TOX3: variants seen among roughly 807,000 people sequenced by gnomAD.
TOX3 encodes the protein CAG trinucleotide repeat-containing gene F9 protein.
TOX3 carries 22 observed loss-of-function variants against 64.3 expected under a neutral mutation model. The observed-to-expected ratio is 0.34, with a 90% CI of 0.24 to 0.49. The LOEUF (loss-of-function observed/expected upper bound fraction) is 0.49, where lower values mean the gene tolerates loss of function less well. Among genes scored for constraint, TOX3 ranks in the 20% least tolerant of loss-of-function variants. The pLI, the probability that TOX3 is intolerant of heterozygous loss-of-function variation, is 0.99. For missense variants in TOX3, 661 were observed against 714.4 expected, an observed-to-expected ratio of 0.93 and a Z score of 0.85; for synonymous variants, 291 against 273.6, an observed-to-expected ratio of 1.06 and a Z score of -0.63.
intron 1 of TOX3, among the ~76,000 whole-genome samples, chr16:52,537,602 A>G (rs1238526145): frequency 2.0e-5 from 3 of 152,142 alleles, no homozygotes; most frequent in Non-Finnish European, 4.4e-5. Context: ...TTGTGACATC[A>G]GCACTTTGTT....
intron 1 of TOX3, among the ~76,000 whole-genome samples, chr16:52,527,825 G>A (rs559575290): frequency 1.3e-5 from 2 of 152,316 alleles, no homozygotes; most frequent in South Asian, 4.1e-4. Context: ...GACAGAACCA[G>A]AAAGTTTTCG....
chr16:52,444,188 G>T, intron 6 of TOX3, 88 bp downstream of exon 6: 1 of 994,810 alleles, frequency 1.0e-6, no homozygotes, highest in South Asian at 2.3e-5. Flanking sequence ...TCAACTTTTA[G>T]GGGAGCTACA....
At position 52,546,821 on chromosome 16, in the gene TOX3, G is replaced by A; in HGVS notation, c.-98C>T. ...CTAGATCCACCGTCGAGGGCGCCCG[G>A]GGGTGGCGCGTGGGACTCGCGGCCG... On this transcript the variant is annotated 5_prime_UTR_variant, in exon 1 of 7. Transcript: ENST00000219746. 7.8e-7 allele frequency: 1 copy of A among 1,275,944 alleles called. No individual in the cohort carries two copies. The highest frequency in any genetic ancestry group is 9.9e-7 in the Non-Finnish European group (1 of 1,012,142). 79.0% of individuals were successfully genotyped at this position (1,275,944 alleles called of 1,614,324 possible). A position where few individuals can be genotyped will look rare whatever the true frequency, so the allele number is the denominator to read the frequency against.
chr16:52,507,679 A>G lies in TOX3; in HGVS notation c.87+38958T>C, dbSNP rs142770141. On this transcript the variant is annotated intron_variant, in intron 1 of 6. Coordinates refer to ENST00000219746, the MANE Select transcript of TOX3 (RefSeq NM_001080430.4). ...AAAAGATACATAATCAATTATTTTC[A>G]TATTAATAGAGCAAAGGAATACCAT... Among the ~76,000 whole-genome samples, 1,256 of 152,370 alleles carry G rather than the reference A, an allele frequency of 8.2e-3. 11 individuals are homozygous for G. The highest frequency in any genetic ancestry group is 0.011 in the Non-Finnish European group (738 of 68,026).
intron 1 of TOX3, among the ~76,000 whole-genome samples, chr16:52,533,849 G>A (rs1367099220): frequency 6.6e-6 from 1 of 152,188 alleles, no homozygotes; most frequent in African/African-American, 2.4e-5. Flanking sequence ...AGACAGGAAA[G>A]ATGGGAGCTG....
intron 1 of TOX3, among the ~76,000 whole-genome samples, chr16:52,515,194 A>G (rs1057236768): frequency 6.6e-5 from 10 of 150,748 alleles, no homozygotes; most frequent in Non-Finnish European, 1.3e-4. Context: ...TTAAAAAAAA[A>G]AAAAGAAAAA....
At chr16:52,529,482 A>G (rs1479403355) in intron 1 of TOX3, among the ~76,000 whole-genome samples, 1 of 152,226 alleles carries the variant, frequency 6.6e-6, no homozygotes, top group Non-Finnish European at 1.5e-5. Context: ...GCCTTTCTCT[A>G]CAAAGGAAGT....
chr16:52,540,989 C>T (rs945585271), intron 1 of TOX3, among the ~76,000 whole-genome samples: 1 of 152,120 alleles, frequency 6.6e-6, no homozygotes, highest in African/African-American at 2.4e-5. Flanking sequence ...CCAAAGCACT[C>T]TAACTGATAA....
chr16:52,472,166 G>A (rs148243659), intron 1 of TOX3, among the ~76,000 whole-genome samples: 2 of 152,152 alleles, frequency 1.3e-5, no homozygotes, highest in Non-Finnish European at 2.9e-5. Context: ...CTCTGAGAAG[G>A]CCCACAGTTC....
intron 1 of TOX3, among the ~76,000 whole-genome samples, chr16:52,479,530 C>T (rs1486936973): frequency 6.6e-6 from 1 of 152,166 alleles, no homozygotes; most frequent in African/African-American, 2.4e-5. Flanking sequence ...CGTGTCTTCT[C>T]TTGTATTTGG....
intron 1 of TOX3, among the ~76,000 whole-genome samples, chr16:52,473,083 G>A (rs1300195050): frequency 6.6e-6 from 1 of 152,052 alleles, no homozygotes; most frequent in Non-Finnish European, 1.5e-5. Context: ...ATTTATTAAG[G>A]ACCATCGTGT....
At position 52,546,861 on chromosome 16, in the gene TOX3, C is replaced by G; in HGVS notation, c.-138G>C. 1 of 1,217,494 alleles carries G rather than the reference C, an allele frequency of 8.2e-7. No individual in the cohort carries two copies. Among genetic ancestry groups the G allele is most frequent in the Non-Finnish European group, 1.0e-6 (1 of 978,206 alleles). The allele number at this position is 1,217,494 out of a possible 1,614,324, so 75.4% of individuals were successfully genotyped here. On this transcript the variant is annotated 5_prime_UTR_variant, in exon 1 of 7. Transcript: ENST00000219746. ...ACTCGCGGCCGGAGGGGCGCCGGGACCCAGAGCCCGAGGAGCTCGGGAGCC... is the reference window on the plus strand; with the variant it reads ...ACTCGCGGCCGGAGGGGCGCCGGGAGCCAGAGCCCGAGGAGCTCGGGAGCC...
chr16:52,483,084 C>T lies in TOX3; in HGVS notation c.88-14510G>A, dbSNP rs568468212. Among the ~76,000 whole-genome samples the T allele has an allele frequency of 2.4e-3, 364 of 152,258 alleles. 3 individuals are homozygous for T. Among genetic ancestry groups the T allele is most frequent in the African/African-American group, 8.3e-3 (344 of 41,538 alleles). ...ATCTGGCACTAGCCATAAGCCACTC[C>T]CTTTTCCACTGTGCTAAATACTCCA... On this transcript the variant is annotated intron_variant, in intron 1 of 6. Transcript: ENST00000219746.
chr16:52,476,698 C>T (rs921945840), intron 1 of TOX3, among the ~76,000 whole-genome samples: 4 of 152,124 alleles, frequency 2.6e-5, no homozygotes, highest in Non-Finnish European at 4.4e-5. Flanking sequence ...TTGTCTCCCT[C>T]CCTTCTGCCT....
At chr16:52,510,949 C>T (rs1962293140) in intron 1 of TOX3, among the ~76,000 whole-genome samples, 1 of 151,966 alleles carries the variant, frequency 6.6e-6, no homozygotes, top group East Asian at 1.9e-4. Flanking sequence ...AATCAGAGCT[C>T]CTCAGAGAAT....
At chr16:52,464,750 G>A (rs1212980913) in intron 2 of TOX3, among the ~76,000 whole-genome samples, 4 of 152,074 alleles carry the variant, frequency 2.6e-5, no homozygotes. Flanking sequence ...GTAATACAAT[G>A]TTTTATATAA....
At chr16:52,501,071 A>T (rs1961987488) in intron 1 of TOX3, among the ~76,000 whole-genome samples, 1 of 152,344 alleles carries the variant, frequency 6.6e-6, no homozygotes, top group Admixed American at 6.5e-5. Flanking sequence ...TACAGTTTAA[A>T]GCACTTTCCA....
chr16:52,439,147 A>G lies in TOX3; in HGVS notation c.*78T>C, dbSNP rs1036701085. On this transcript the variant is annotated 3_prime_UTR_variant, in exon 7 of 7. Transcript: ENST00000219746. ...ATTTCTGCATAACCAACACCAACTT[A>G]CAGGTTTCAGCCACATATGCTTTTC... is the stretch of plus-strand genomic sequence containing the variant. The G allele has an allele frequency of 2.5e-6, 4 of 1,593,902 alleles. No individual in the cohort carries two copies. The highest frequency in any genetic ancestry group is 2.7e-5 in the African/African-American group (2 of 74,734).
chr16:52,519,387 C>T (rs1313119865), intron 1 of TOX3: 3 of 1,550,230 alleles, frequency 1.9e-6, no homozygotes, highest in Non-Finnish European at 2.6e-6. Context: ...AGAAACCTCA[C>T]CAGAAGATTA....
Sources: allele counts gnomAD v4.1 joint callset (sites outside exome capture counted in the v4.1 genomes callset), GRCh38; gene constraint gnomAD v4.1.1; transcripts MANE v1.5; gene names NCBI Gene and HGNC (gene_info 2026-07-23, HGNC 2026-07-21).